Variants in MSRA observed in about 807,000 individuals in gnomAD.
MSRA encodes mitochondrial peptide methionine sulfoxide reductase.
In MSRA, 54 loss-of-function variants were observed where a neutral mutation model predicts 31.3. The observed-to-expected ratio is 1.73, with a 90% CI of 1.39 to 2.17. MSRA has a LOEUF of 2.17. MSRA is among the 30% of genes most tolerant of loss of function. MSRA has a pLI of 0.00. For missense variants in MSRA, 507 were observed against 300.9 expected, an observed-to-expected ratio of 1.69 and a Z score of -5.07; for synonymous variants, 169 against 116.5, an observed-to-expected ratio of 1.45 and a Z score of -2.90.
At chr8:10,342,525 C>T (rs567982005) in intron 5 of MSRA, among the ~76,000 whole-genome samples, 9 of 152,264 alleles carry the variant, frequency 5.9e-5, no homozygotes, top group South Asian at 4.1e-4. Flanking sequence ...GCCTCTGAGC[C>T]GCACGGAACT....
At chr8:10,273,305 A>G (rs907856532) in intron 3 of MSRA, among the ~76,000 whole-genome samples, 1 of 152,328 alleles carries the variant, frequency 6.6e-6, no homozygotes, top group East Asian at 1.9e-4. Flanking sequence ...TGCTCCTTCT[A>G]GTAGCATCCA....
At chr8:10,096,213 G>T in intron 1 of MSRA, 1 of 1,249,406 alleles carries the variant, frequency 8.0e-7, no homozygotes, top group Non-Finnish European at 1.0e-6. Flanking sequence ...TATTTCTGCT[G>T]CTTCATGCTG....
intron 1 of MSRA, among the ~76,000 whole-genome samples, chr8:10,064,155 A>G (rs1415891738): frequency 6.6e-6 from 1 of 152,160 alleles, no homozygotes; most frequent in Non-Finnish European, 1.5e-5. Flanking sequence ...TGCTGGCATG[A>G]TCAGAGTTCT....
chr8:10,222,040 A>G (rs1023007817), intron 2 of MSRA, among the ~76,000 whole-genome samples: 3 of 151,592 alleles, frequency 2.0e-5, no homozygotes, highest in Admixed American at 6.6e-5. Context: ...TTTGCACACT[A>G]TAGGAAGTCT....
chr8:10,299,819 G>A (rs536033411), intron 3 of MSRA, among the ~76,000 whole-genome samples: 61 of 152,258 alleles, frequency 4.0e-4, no homozygotes, highest in Middle Eastern at 6.8e-3. Flanking sequence ...AAAGCAGTTT[G>A]GAGCTAGGCA....
intron 1 of MSRA, among the ~76,000 whole-genome samples, chr8:10,058,450 A>G (rs1323106154): frequency 6.6e-6 from 1 of 152,254 alleles, no homozygotes; most frequent in African/African-American, 2.4e-5. Flanking sequence ...TTAGGAAAAT[A>G]TAAGTAATCC....
At chr8:10,301,832 G>A (rs1010430846) in intron 4 of MSRA, among the ~76,000 whole-genome samples, 194 bp downstream of exon 4, 6 of 152,140 alleles carry the variant, frequency 3.9e-5, no homozygotes, top group Non-Finnish European at 1.5e-5. Flanking sequence ...AGCCACATTC[G>A]GCGCCCCTGC....
At chr8:10,215,560 C>T (rs1373987579) in intron 2 of MSRA, among the ~76,000 whole-genome samples, 3 of 152,132 alleles carry the variant, frequency 2.0e-5, no homozygotes, top group Non-Finnish European at 2.9e-5. Flanking sequence ...TTCATAACAC[C>T]AGACGAGTCC....
At chr8:10,138,246 A>G (rs1802437344) in intron 1 of MSRA, among the ~76,000 whole-genome samples, 1 of 152,208 alleles carries the variant, frequency 6.6e-6, no homozygotes, top group African/African-American at 2.4e-5. Context: ...GAGGTAATTC[A>G]TTGGTGTCAG....
At chr8:10,151,525 C>T (rs1167983622) in intron 1 of MSRA, among the ~76,000 whole-genome samples, 1 of 152,118 alleles carries the variant, frequency 6.6e-6, no homozygotes, top group Non-Finnish European at 1.5e-5. Context: ...TGGCAGGTGC[C>T]TGTAGTCCCA....
chr8:10,199,732 T>A (rs779443508), intron 1 of MSRA, among the ~76,000 whole-genome samples: 3 of 152,190 alleles, frequency 2.0e-5, no homozygotes, highest in Non-Finnish European at 2.9e-5. Context: ...TGCATAATGC[T>A]TTATTCTATT....
intron 3 of MSRA, among the ~76,000 whole-genome samples, chr8:10,281,786 A>G (rs1799636459): frequency 6.6e-6 from 1 of 152,158 alleles, no homozygotes; most frequent in Non-Finnish European, 1.5e-5. Flanking sequence ...CCTGCTTTGT[A>G]AAGGGGCGCT....
At chr8:10,306,628 C>T (rs1289177250) in intron 4 of MSRA, among the ~76,000 whole-genome samples, 1 of 152,174 alleles carries the variant, frequency 6.6e-6, no homozygotes. Context: ...CTTAAGGCTT[C>T]TTCTCACAGA....
intron 1 of MSRA, among the ~76,000 whole-genome samples, chr8:10,169,390 C>T (rs1193498249): frequency 6.6e-6 from 1 of 152,206 alleles, no homozygotes; most frequent in Non-Finnish European, 1.5e-5. Flanking sequence ...TCTCAGTTCC[C>T]TGTGTGTTAC....
intron 1 of MSRA, among the ~76,000 whole-genome samples, chr8:10,086,990 C>A (rs924737340): frequency 4.6e-5 from 7 of 152,046 alleles, no homozygotes; most frequent in African/African-American, 1.2e-4. Flanking sequence ...GAATTCCACA[C>A]TGGAGCTTTG....
intron 5 of MSRA, among the ~76,000 whole-genome samples, chr8:10,412,302 C>G (rs776267121): frequency 2.0e-5 from 3 of 152,182 alleles, no homozygotes; most frequent in Non-Finnish European, 4.4e-5. Context: ...ATTAAAAGTT[C>G]CTCAATTACA....
chr8:10,142,562 C>T (rs1472947841), intron 1 of MSRA, among the ~76,000 whole-genome samples: 1 of 152,238 alleles, frequency 6.6e-6, no homozygotes, highest in African/African-American at 2.4e-5. Flanking sequence ...TTCCCCTCTC[C>T]TGGAAGGAGG....
intron 3 of MSRA, among the ~76,000 whole-genome samples, chr8:10,268,377 A>G (rs1011182331): frequency 2.1e-5 from 3 of 143,898 alleles, no homozygotes; most frequent in African/African-American, 7.3e-5. Flanking sequence ...ATATGGGGAG[A>G]CTACACTCTT....
intron 3 of MSRA, among the ~76,000 whole-genome samples, chr8:10,263,748 G>A (rs148560042): frequency 9.1e-4 from 138 of 152,218 alleles, no homozygotes; most frequent in African/African-American, 3.1e-3. Flanking sequence ...ACAATAAGGT[G>A]GAGAGAACCA....
Sources: allele counts gnomAD v4.1 joint callset (sites outside exome capture counted in the v4.1 genomes callset), GRCh38; gene constraint gnomAD v4.1.1; transcripts MANE v1.5; gene names NCBI Gene and HGNC (gene_info 2026-07-23, HGNC 2026-07-21).